Variants in COL22A1 observed in about 807,000 individuals in gnomAD.
COL22A1 encodes collagen type XXII alpha 1 chain.
Under a neutral mutation model 248.9 loss-of-function variants are expected in COL22A1, and 221 were observed. The observed-to-expected ratio is 0.89, with a 90% CI of 0.80 to 0.99. The LOEUF is 0.99. Among genes scored for constraint, COL22A1 ranks in the 50% least tolerant of loss-of-function variants. The probability of loss-of-function intolerance (pLI) is 0.00; values close to 1 mark genes in which losing one functional copy is unlikely to be tolerated. For synonymous variants in COL22A1, 891 were observed against 793.4 expected, an observed-to-expected ratio of 1.12 and a Z score of -2.07; for missense variants, 2,240 against 2,179.0, an observed-to-expected ratio of 1.03 and a Z score of -0.56.
At chr8:138,754,226 T>C (rs1832820655) in intron 21 of COL22A1, among the ~76,000 whole-genome samples, 1 of 149,668 alleles carries the variant, frequency 6.7e-6, no homozygotes, top group East Asian at 2.0e-4. Context: ...TGGAACACAC[T>C]GCATTCTCTG....
intron 49 of COL22A1, among the ~76,000 whole-genome samples, chr8:138,632,284 C>T (rs4636211): frequency 1 from 151,805 of 152,312 alleles, 75,658 homozygotes; most frequent in Middle Eastern, 1. Context: ...CCTAGGAAAC[C>T]TACTTGACCC....
intron 12 of COL22A1, among the ~76,000 whole-genome samples, chr8:138,790,691 T>C (rs1180766871): frequency 6.6e-6 from 1 of 152,188 alleles, no homozygotes; most frequent in Non-Finnish European, 1.5e-5. Flanking sequence ...GTCTGTCTTG[T>C]TGGGATAAGG....
In COL22A1 at chr8:138,724,677, G is replaced by T; in HGVS notation, c.2194-9C>A. Reference sequence around the variant, plus strand: ...ATCTCTCCAGGCAAACCCTGAAAGGGGACCACATGGACCCTGTTAGCCTGG... The same window carrying T: ...ATCTCTCCAGGCAAACCCTGAAAGGTGACCACATGGACCCTGTTAGCCTGG... On this transcript the variant is annotated splice_polypyrimidine_tract_variant and intron_variant, in intron 24 of 64. Coordinates refer to ENST00000303045, the MANE Select transcript of COL22A1 (RefSeq NM_152888.3). The T allele has an allele frequency of 1.2e-6, 2 of 1,613,566 alleles. No homozygotes were observed. Among genetic ancestry groups the T allele is most frequent in the Non-Finnish European group, 1.7e-6 (2 of 1,179,458 alleles).
intron 10 of COL22A1, among the ~76,000 whole-genome samples, chr8:138,804,751 G>T (rs931605562): frequency 6.7e-6 from 1 of 150,370 alleles, no homozygotes; most frequent in Admixed American, 6.6e-5. Flanking sequence ...TGTGATGAGG[G>T]GTGTGTGTGT....
chr8:138,660,467 T>G lies in COL22A1; in HGVS notation c.3254A>C (p.Asn1085Thr). Residue 1085 changes from asparagine to threonine, a missense_variant, in exon 44 of 65, where the codon AAT becomes ACT. Transcript: ENST00000303045. ...GPAGRDGAPG[N>T]PGERGPPGKP... ...GCCAGGAGGCCCTCTTTCTCCTGGA[T>G]TTCCTGGTGCACCCTAAGAGAAGAA... 6.2e-7 allele frequency: 1 copy of G among 1,613,660 alleles called. No individual in the cohort carries two copies. Among genetic ancestry groups the G allele is most frequent in the Non-Finnish European group, 8.5e-7 (1 of 1,179,542 alleles).
intron 49 of COL22A1, among the ~76,000 whole-genome samples, chr8:138,633,268 C>G (rs1192375070): frequency 6.6e-6 from 1 of 152,190 alleles, no homozygotes; most frequent in Non-Finnish European, 1.5e-5. Flanking sequence ...AATAGAAGCT[C>G]AATAAACATC....
intron 63 of COL22A1, 116 bp downstream of exon 63, chr8:138,593,901 C>T (rs1211781330): frequency 2.6e-6 from 2 of 774,652 alleles, no homozygotes; most frequent in Non-Finnish European, 3.9e-6. Context: ...TGGGTGTTAC[C>T]AAGCTACAGG....
intron 11 of COL22A1, among the ~76,000 whole-genome samples, chr8:138,797,510 T>C (rs145380533): frequency 2.5e-3 from 376 of 152,360 alleles, no homozygotes; most frequent in African/African-American, 8.2e-3. Context: ...TTGGGTTTTC[T>C]ACTTTTGGCT....
chr8:138,616,049 C>G lies in COL22A1; in HGVS notation c.3876G>C (p.Glu1292Asp), dbSNP rs544402942. 1.8e-5 allele frequency: 29 copies of G among 1,613,246 alleles called. No individual in the cohort carries two copies. In the Middle Eastern group the frequency reaches 8.2e-4, roughly 46 times the overall value. The change falls in exon 55 of 65, where the codon GAG (glutamate) becomes GAC (aspartate). Residue 1292 changes from glutamate (E) to aspartate (D), a missense_variant. Glu to Asp is a conservative substitution (Grantham distance 45). Coordinates refer to ENST00000303045, the MANE Select transcript of COL22A1 (RefSeq NM_152888.3). ...GACCAGGAAGCCCCATGGCACCAGA[C>G]TCTCCCTAGGAACAAAAAAGCCTGC... ...GDSGAPGPRG[E>D]SGAMGLPGQE...
intron 30 of COL22A1, 46 bp downstream of exon 30, chr8:138,715,636 C>A: frequency 7.2e-7 from 1 of 1,393,340 alleles, no homozygotes; most frequent in Non-Finnish European, 1.0e-6. Flanking sequence ...TAGAAAAACC[C>A]AACTAATAAT....
At chr8:138,682,379 G>T (rs1826031634) in intron 39 of COL22A1, among the ~76,000 whole-genome samples, 1 of 152,178 alleles carries the variant, frequency 6.6e-6, no homozygotes, top group South Asian at 2.1e-4. Flanking sequence ...TGTTTTCATA[G>T]ACATATGCAA....
At chr8:138,770,100 A>G (rs7828786) in intron 16 of COL22A1, among the ~76,000 whole-genome samples, 75,168 of 151,906 alleles carry the variant, frequency 0.49, 19,610 homozygotes, top group African/African-American at 0.65. Context: ...GTGGAGGCCA[A>G]CCAGGGTGAC....
intron 5 of COL22A1, among the ~76,000 whole-genome samples, chr8:138,827,702 A>G (rs1489708312): frequency 6.9e-6 from 1 of 144,822 alleles, no homozygotes; most frequent in East Asian, 2.1e-4. Context: ...ATTCCCTTCT[A>G]TGGAGGCTCA....
At chr8:138,785,877 C>T (rs1356285918) in intron 12 of COL22A1, among the ~76,000 whole-genome samples, 1 of 152,178 alleles carries the variant, frequency 6.6e-6, no homozygotes, top group African/African-American at 2.4e-5. Flanking sequence ...TGCTTCAATT[C>T]TTTCTAGAGC....
At chr8:138,894,495 T>C (rs1825265635) in intron 1 of COL22A1, among the ~76,000 whole-genome samples, 1 of 151,982 alleles carries the variant, frequency 6.6e-6, no homozygotes, top group Non-Finnish European at 1.5e-5. Context: ...AGCCAATCAG[T>C]GAGGGGACCA....
intron 16 of COL22A1, among the ~76,000 whole-genome samples, chr8:138,764,472 C>A (rs547165131): frequency 2.0e-4 from 30 of 152,312 alleles, no homozygotes; most frequent in African/African-American, 7.2e-4. Context: ...GCCTCAGGGT[C>A]CCCCCATTCC....
chr8:138,863,755 T>C (rs1226244127), intron 3 of COL22A1, among the ~76,000 whole-genome samples: 1 of 152,072 alleles, frequency 6.6e-6, no homozygotes. Context: ...AAGTGGACAA[T>C]GTAGGAGGCA....
intron 32 of COL22A1, among the ~76,000 whole-genome samples, chr8:138,696,429 C>T (rs1325514566): frequency 6.7e-6 from 1 of 149,864 alleles, no homozygotes; most frequent in Non-Finnish European, 1.5e-5. Flanking sequence ...AAGAAAGAGT[C>T]TAATGTCTAC....
Position 138,715,105 on chromosome 8 carries a change from C to T in COL22A1, c.2517+577G>A, listed in dbSNP as rs1829326521. ...TCACAGGCACAAAAGGGTGGATGGA[C>T]GGATGGATAGTGAGATGAAGGTGTC... On this transcript the variant is annotated intron_variant, in intron 30 of 64. Transcript: ENST00000303045. Among the ~76,000 whole-genome samples, 3 of 152,122 alleles carry T rather than the reference C, an allele frequency of 2.0e-5. 1 individual carries two copies. Among genetic ancestry groups the T allele is most frequent in the South Asian group, 4.1e-4 (2 of 4,828 alleles).
Sources: allele counts gnomAD v4.1 joint callset (sites outside exome capture counted in the v4.1 genomes callset), GRCh38; gene constraint gnomAD v4.1.1; transcripts MANE v1.5; gene names NCBI Gene and HGNC (gene_info 2026-07-23, HGNC 2026-07-21).